The following ALKAL1 variants were observed in gnomAD, a reference collection of about 807,000 sequenced individuals.
ALKAL1 encodes the protein AUG-beta.
A neutral mutation model predicts 13.5 loss-of-function variants in ALKAL1; 23 were observed. That is an observed-to-expected ratio of 1.70 (90% CI 1.23 to 2.41). The LOEUF is 2.41. Among genes scored for constraint, ALKAL1 ranks in the 30% most tolerant of loss-of-function variants. The probability of loss-of-function intolerance (pLI) is 0.00; values close to 1 mark genes in which losing one functional copy is unlikely to be tolerated. For synonymous variants in ALKAL1, 85 were observed against 77.7 expected (o/e 1.09, Z -0.49); for missense variants, 181 against 178.4 (o/e 1.01, Z -0.08).
chr8:52,553,317 C>T lies in ALKAL1; in HGVS notation c.191-10872G>A, dbSNP rs548585893. Among the ~76,000 whole-genome samples the T allele has an allele frequency of 1.4e-4, 22 of 152,232 alleles. No individual in the cohort carries two copies. The South Asian group carries it at 4.4e-3, about 30-fold the overall frequency. ...GAGCTCTGATCATGCCACTGCCCTC[C>T]AGCCTTGGTGACAGAGTGATACTCC... On this transcript the variant is annotated intron_variant, in intron 1 of 4. Coordinates refer to ENST00000358543, the MANE Select transcript of ALKAL1 (RefSeq NM_207413.4).
At chr8:52,563,426 C>T (rs1210288950) in intron 1 of ALKAL1, among the ~76,000 whole-genome samples, 3 of 152,184 alleles carry the variant, frequency 2.0e-5, no homozygotes, top group East Asian at 1.9e-4. Flanking sequence ...AGCGAAACTC[C>T]GTCTCTAAAT....
intron 1 of ALKAL1, among the ~76,000 whole-genome samples, chr8:52,562,496 T>C (rs1377194474): frequency 2.6e-5 from 4 of 151,696 alleles, no homozygotes; most frequent in Non-Finnish European, 4.4e-5. Flanking sequence ...GAATCAGGAG[T>C]GTTCCTGGGA....
chr8:52,550,806 G>T (rs1847421480), intron 1 of ALKAL1, among the ~76,000 whole-genome samples: 1 of 151,910 alleles, frequency 6.6e-6, no homozygotes, highest in African/African-American at 2.4e-5. Context: ...TCTTCCCATG[G>T]CCATCATCTT....
intron 1 of ALKAL1, among the ~76,000 whole-genome samples, chr8:52,543,577 T>C (rs1590866125): frequency 6.6e-6 from 1 of 152,188 alleles, no homozygotes; most frequent in Non-Finnish European, 1.5e-5. Context: ...CATTTGACAA[T>C]GAACACCTGC....
rs564982906 is a variant in ALKAL1 at position 52,561,877 on chromosome 8, C to G, written c.190+3190G>C. On this transcript the variant is annotated intron_variant, in intron 1 of 4. Coordinates refer to ENST00000358543, the MANE Select transcript of ALKAL1 (RefSeq NM_207413.4). ...CATTTACTGAAATCTCTTGAAAAGG[C>G]AGAGGTAGCAAAAGAAACATCATAT... is the stretch of plus-strand genomic sequence containing the variant. Among the ~76,000 whole-genome samples the G allele has an allele frequency of 6.6e-5, 10 of 152,276 alleles. No homozygotes were observed. The South Asian group carries it at 1.9e-3, about 28-fold the overall frequency.
chr8:52,556,749 G>C (rs1311101881), intron 1 of ALKAL1, among the ~76,000 whole-genome samples: 1 of 148,562 alleles, frequency 6.7e-6, no homozygotes, highest in Non-Finnish European at 1.5e-5. Flanking sequence ...ATCAACAAAT[G>C]AGATAAGCAA....
chr8:52,561,281 T>C (rs1236491162), intron 1 of ALKAL1, among the ~76,000 whole-genome samples: 3 of 152,178 alleles, frequency 2.0e-5, no homozygotes, highest in Non-Finnish European at 4.4e-5. Context: ...TATTTAAGTA[T>C]GTCTAGTTTT....
rs1323129484 is a variant in ALKAL1, at chr8:52,534,321, T to C, written c.*292A>G. On this transcript the variant is annotated 3_prime_UTR_variant, in exon 5 of 5. Coordinates refer to ENST00000358543, the MANE Select transcript of ALKAL1 (RefSeq NM_207413.4). The stretch of plus-strand genomic sequence containing the variant: ...TGTTAACCATATAAAGAAAATAATA[T>C]ATCTAGTAAAAATAAAATACAATCA... 2 of 266,624 alleles carry C rather than the reference T, an allele frequency of 7.5e-6. No homozygotes were observed. The highest frequency in any genetic ancestry group is 1.3e-4 in the East Asian group (2 of 15,330). 16.5% of individuals were successfully genotyped at this position (266,624 alleles called of 1,614,324 possible).
chr8:52,565,031 C>T (rs1167587835), intron 1 of ALKAL1, 36 bp downstream of exon 1: 1 of 1,330,526 alleles, frequency 7.5e-7, no homozygotes, highest in African/African-American at 1.5e-5. Context: ...GCCCCAGGCG[C>T]AGGGCAAAGG....
intron 3 of ALKAL1, among the ~76,000 whole-genome samples, chr8:52,539,608 T>C (rs1056412485): frequency 3.3e-5 from 5 of 152,196 alleles, no homozygotes; most frequent in Non-Finnish European, 7.3e-5. Context: ...GAAATCTGGC[T>C]ATTATCAGAT....
intron 1 of ALKAL1, among the ~76,000 whole-genome samples, chr8:52,542,691 T>C (rs1847325738): frequency 6.6e-6 from 1 of 152,186 alleles, no homozygotes; most frequent in Non-Finnish European, 1.5e-5. Context: ...ACAGCCGCAA[T>C]GGAAGGTCTC....
chr8:52,547,266 G>A (rs1044021560), intron 1 of ALKAL1, among the ~76,000 whole-genome samples: 12 of 152,292 alleles, frequency 7.9e-5, no homozygotes, highest in Non-Finnish European at 1.6e-4. Flanking sequence ...GGGAGGCTGA[G>A]GCAGGTGGAT....
chr8:52,535,385 CAAAA>C (rs879837990), intron 4 of ALKAL1, among the ~76,000 whole-genome samples: 4 of 116,490 alleles, frequency 3.4e-5, no homozygotes, highest in Admixed American at 9.0e-5. Context: ...CTGTTGCCAC[CAAAA>C]AAAAAAAAAA....
chr8:52,535,385 C>CAA (rs879837990), intron 4 of ALKAL1, among the ~76,000 whole-genome samples: 6 of 116,494 alleles, frequency 5.2e-5, no homozygotes, highest in Admixed American at 1.8e-4. Flanking sequence ...CTGTTGCCAC[C>CAA]AAAAAAAAAA....
intron 4 of ALKAL1, among the ~76,000 whole-genome samples, chr8:52,536,246 A>G (rs865843493): frequency 6.6e-6 from 1 of 152,086 alleles, no homozygotes. Context: ...GCCATCCTCT[A>G]TGATTTTCAT....
At chr8:52,563,492 T>C (rs1300456458) in intron 1 of ALKAL1, among the ~76,000 whole-genome samples, 1 of 152,174 alleles carries the variant, frequency 6.6e-6, no homozygotes, top group Non-Finnish European at 1.5e-5. Flanking sequence ...GTCTTCACTG[T>C]CTGAATCAAA....
rs201986825 is a variant in ALKAL1 at position 52,554,040 on chromosome 8, A to G, written c.190+11027T>C. 6.6e-5 allele frequency among the ~76,000 whole-genome samples: 10 copies of G among 152,346 alleles called. No homozygotes were observed. The East Asian group carries it at 1.9e-3, about 29-fold the overall frequency. On this transcript the variant is annotated intron_variant, in intron 1 of 4. Transcript: ENST00000358543. ...GGAGTTCGAAACCAGCCTGACCAAC[A>G]TGGAGAAACCCCGTCTCTACTAAAA...
At chr8:52,550,467 A>G (rs1285330873) in intron 1 of ALKAL1, among the ~76,000 whole-genome samples, 6 of 152,206 alleles carry the variant, frequency 3.9e-5, no homozygotes, top group Non-Finnish European at 8.8e-5. Context: ...CACTTTCTCA[A>G]ACTTTACATA....
chr8:52,543,915 A>C (rs1055155699), intron 1 of ALKAL1, among the ~76,000 whole-genome samples: 2 of 152,218 alleles, frequency 1.3e-5, no homozygotes, highest in Admixed American at 6.5e-5. Flanking sequence ...CCCTGTGACA[A>C]TGATGACACT....
Sources: allele counts gnomAD v4.1 joint callset (sites outside exome capture counted in the v4.1 genomes callset), GRCh38; gene constraint gnomAD v4.1.1; transcripts MANE v1.5; gene names NCBI Gene and HGNC (gene_info 2026-07-23, HGNC 2026-07-21).